The following ADAM19 variants were observed in gnomAD, a reference collection of about 807,000 sequenced individuals.
ADAM19 encodes the protein ADAM metallopeptidase domain 19, also known as disintegrin and metalloproteinase domain-containing protein 19.
A neutral mutation model predicts 114.7 loss-of-function variants in ADAM19; 65 were observed. The ratio of observed to expected loss-of-function variants is 0.57; its 90% CI spans 0.46 to 0.70. ADAM19 has a LOEUF of 0.70. Ranked by LOEUF, ADAM19 falls within the 30% of genes least tolerant of loss-of-function variation. ADAM19 has a pLI of 0.00. For missense variants in ADAM19, 1,063 were observed against 1,204.7 expected, an observed-to-expected ratio of 0.88 and a Z score of 1.74; for synonymous variants, 466 against 460.5, an observed-to-expected ratio of 1.01 and a Z score of -0.15.
chr5:157,514,326 C>CTTTTTTTTTTTTTTTTTTTTTT (rs200826711), intron 7 of ADAM19, among the ~76,000 whole-genome samples: 1 of 141,690 alleles, frequency 7.1e-6, no homozygotes, highest in Non-Finnish European at 1.5e-5. Context: ...AATCACATTT[C>CTTTTTTTTTTTTTTTTTTTTTT]TTTCTTTTTT....
At chr5:157,511,867 A>G (rs1369082260) in intron 8 of ADAM19, among the ~76,000 whole-genome samples, 1 of 152,228 alleles carries the variant, frequency 6.6e-6, no homozygotes, top group Non-Finnish European at 1.5e-5. Context: ...TGGGCCACCC[A>G]GGCTTAGGGC....
chr5:157,546,614 GC>G (rs377106494), intron 3 of ADAM19, among the ~76,000 whole-genome samples: 19 of 152,298 alleles, frequency 1.2e-4, no homozygotes, highest in African/African-American at 4.6e-4. Flanking sequence ...TCCATGACTT[GC>G]CCTTCCCTTC....
At chr5:157,502,650 G>A (rs894700340) in intron 12 of ADAM19, among the ~76,000 whole-genome samples, 153 bp downstream of exon 12, 2 of 152,358 alleles carry the variant, frequency 1.3e-5, no homozygotes, top group South Asian at 2.1e-4. Flanking sequence ...CAACTGGAAG[G>A]CTTCTTCATA....
chr5:157,555,030 C>G (rs1439627600), intron 3 of ADAM19, among the ~76,000 whole-genome samples: 1 of 151,998 alleles, frequency 6.6e-6, no homozygotes, highest in Non-Finnish European at 1.5e-5. Flanking sequence ...CAGTGCTAAC[C>G]AAAAAAGAGC....
Position 157,480,952 on chromosome 5 carries a change from G to C in ADAM19, c.2754C>G (p.Ile918Met). 1 of 1,614,168 alleles carries C rather than the reference G, an allele frequency of 6.2e-7. No individual in the cohort carries two copies. Among genetic ancestry groups the C allele is most frequent in the Non-Finnish European group, 8.5e-7 (1 of 1,180,022 alleles). Residue 918 changes from isoleucine (I) to methionine (M), a missense_variant, in exon 23 of 23, where the codon ATC (isoleucine) becomes ATG (methionine). By Grantham distance (10) the Ile-to-Met change is conservative (BLOSUM62 1). Around this residue, in one of 3 missense-constraint regions of ADAM19, gnomAD observed 424 missense variants for 445.5 expected, o/e 0.95. Coordinates refer to ENST00000257527, the MANE Select transcript of ADAM19 (RefSeq NM_033274.5). Reference sequence around the variant, plus strand: ...GGGAGAAGCCCCTTGGACAGGTCTAGATTTTCGAGCTAATCATCCCTCCAG... The same window carrying C: ...GGGAGAAGCCCCTTGGACAGGTCTACATTTTCGAGCTAATCATCCCTCCAG... ...QRAGGMISSK[I>M]
At chr5:157,553,896 C>T (rs1370003757) in intron 3 of ADAM19, among the ~76,000 whole-genome samples, 1 of 151,936 alleles carries the variant, frequency 6.6e-6, no homozygotes. Context: ...AGTACGATAC[C>T]ATGCATTTAA....
In ADAM19 at chr5:157,480,326, G is replaced by C; in HGVS notation, c.*623C>G. 1 of 986,490 alleles carries C rather than the reference G, an allele frequency of 1.0e-6. No individual in the cohort carries two copies. The highest frequency in any genetic ancestry group is 1.2e-6 in the Non-Finnish European group (1 of 830,676). 61.1% of individuals were successfully genotyped at this position (986,490 alleles called of 1,614,324 possible). A position where few individuals can be genotyped will look rare whatever the true frequency, so the allele number is the denominator to read the frequency against. ...GTACCTGTCTGAGTCAGAGTGACCC[G>C]TGTGAATACAGGGATGCAGGGGTTT... is the stretch of plus-strand genomic sequence containing the variant. On this transcript the variant is annotated 3_prime_UTR_variant, in exon 23 of 23. Transcript: ENST00000257527.
In ADAM19 at chr5:157,478,131, T is replaced by A. The variant is rs1440542851; in HGVS notation, c.*2818A>T. 6.4e-6 allele frequency: 1 copy of A among 156,862 alleles called. No homozygotes were observed. The highest frequency in any genetic ancestry group is 1.8e-4 in the East Asian group (1 of 5,442). The allele number at this position is 156,862 out of a possible 1,614,324, so 9.7% of individuals were successfully genotyped here. On this transcript the variant is annotated 3_prime_UTR_variant, in exon 23 of 23. Coordinates refer to ENST00000257527, the MANE Select transcript of ADAM19 (RefSeq NM_033274.5). ...CTTGGGTTGTAAAATTGGCAGGAGG[T>A]TAATTTCACTTTTAAAAAGATTTAC...
At chr5:157,557,788 T>A (rs1183362498) in intron 3 of ADAM19, among the ~76,000 whole-genome samples, 1 of 152,098 alleles carries the variant, frequency 6.6e-6, no homozygotes, top group East Asian at 1.9e-4. Flanking sequence ...AGGGCACTAA[T>A]CCTATTCATG....
rs76918119 is a variant in ADAM19 at position 157,532,021 on chromosome 5, T to C, written c.331-1138A>G. ...TTAAGTTTATGGTGCTTTGTTACAG[T>C]AGCCCTAGGAAACAAACACTCCCTA... On this transcript the variant is annotated intron_variant, in intron 4 of 22. Coordinates refer to ENST00000257527, the MANE Select transcript of ADAM19 (RefSeq NM_033274.5). Among the ~76,000 whole-genome samples the C allele has an allele frequency of 7.0e-3, 1,059 of 152,336 alleles. 94 individuals are homozygous for C. The East Asian group carries it at 0.17, about 24-fold the overall frequency.
intron 5 of ADAM19, among the ~76,000 whole-genome samples, chr5:157,524,301 G>A (rs1430839094): frequency 6.6e-6 from 1 of 152,230 alleles, no homozygotes; most frequent in Non-Finnish European, 1.5e-5. Flanking sequence ...CAGGAGGCTG[G>A]GTGGCCAGCC....
At chr5:157,523,072 CTG>C (rs1379355591) in intron 5 of ADAM19, among the ~76,000 whole-genome samples, 2 of 152,144 alleles carry the variant, frequency 1.3e-5, no homozygotes, top group African/African-American at 2.4e-5. Context: ...GATGAAGAAA[CTG>C]TGGCTCAGAG....
intron 22 of ADAM19, 31 bp downstream of exon 22, chr5:157,481,760 C>T: frequency 2.6e-6 from 4 of 1,557,904 alleles, no homozygotes; most frequent in Non-Finnish European, 3.5e-6. Flanking sequence ...CTGGTACCAG[C>T]TTTCACCTTG....
Position 157,507,084 on chromosome 5 carries a change from GAGCAC to G in ADAM19, c.957_961del (p.Met319IlefsTer36). On this transcript the variant is annotated frameshift_variant, in exon 10 of 23. Coordinates refer to ENST00000257527, the MANE Select transcript of ADAM19 (RefSeq NM_033274.5). LOFTEE classifies it high-confidence loss of function. Reference sequence around the variant, plus strand: ...GTTGACTCCTCCAGACTGGTACACAGAGCACATGGCCATGAGGGGGGCCAGGCCGA... The same window carrying G: ...GTTGACTCCTCCAGACTGGTACACAGATGGCCATGAGGGGGGCCAGGCCGA... The G allele has an allele frequency of 6.2e-7, 1 of 1,614,154 alleles. No homozygotes were observed. Among genetic ancestry groups the G allele is most frequent in the Non-Finnish European group, 8.5e-7 (1 of 1,180,012 alleles).
At chr5:157,519,399 C>T (rs1237682108) in intron 6 of ADAM19, among the ~76,000 whole-genome samples, 1 of 152,184 alleles carries the variant, frequency 6.6e-6, no homozygotes, top group East Asian at 1.9e-4. Context: ...TCCCGTGCCC[C>T]AGCCTCCCAA....
chr5:157,564,286 T>A (rs780962812), intron 3 of ADAM19, 87 bp downstream of exon 3: 101 of 1,274,300 alleles, frequency 7.9e-5, no homozygotes, highest in Admixed American at 3.7e-4. Flanking sequence ...CTCCATTGAC[T>A]GCTTCCTTCC....
intron 21 of ADAM19, 95 bp downstream of exon 21, chr5:157,488,170 C>T: frequency 1.5e-6 from 2 of 1,304,504 alleles, no homozygotes; most frequent in Non-Finnish European, 1.1e-6. Context: ...AGCTCATGAC[C>T]CCACAAGTTT....
Position 157,480,658 on chromosome 5 carries a change from A to G in ADAM19, c.*291T>C. 8.2e-7 allele frequency: 1 copy of G among 1,225,362 alleles called. No individual in the cohort carries two copies. 75.9% of individuals were successfully genotyped at this position (1,225,362 alleles called of 1,614,324 possible). A position where few individuals can be genotyped will look rare whatever the true frequency, so the allele number is the denominator to read the frequency against. ...TCTCCATCAGCACCTCGGGGCTAGG[A>G]GTCTGGAGGAGAAGCTGCCAGTCAC... On this transcript the variant is annotated 3_prime_UTR_variant, in exon 23 of 23. Coordinates refer to ENST00000257527, the MANE Select transcript of ADAM19 (RefSeq NM_033274.5).
intron 16 of ADAM19, 35 bp from the exon 17 acceptor site, chr5:157,491,947 G>A (rs766375282): frequency 1.4e-5 from 23 of 1,605,800 alleles, no homozygotes; most frequent in Non-Finnish European, 2.0e-5. Flanking sequence ...TCAGTGCAAT[G>A]GGAGGGATGC....
Sources: gnomAD v4.1 joint callset for allele counts (sites outside exome capture counted in the v4.1 genomes callset) on GRCh38, gnomAD v4.1.1 for gene constraint, gnomAD v4.1.1 regional missense constraint, MANE v1.5 for transcripts, NCBI Gene and HGNC (gene_info 2026-07-23, HGNC 2026-07-21) for gene names.